Variants in INTS8 observed in about 807,000 individuals in gnomAD.
INTS8 encodes protein kaonashi-1.
In INTS8, 47 loss-of-function variants were observed where a neutral mutation model predicts 138.9. The observed-to-expected ratio is 0.34, with a 90% confidence interval of 0.27 to 0.43. INTS8 has a LOEUF of 0.43. Among genes scored for constraint, INTS8 ranks in the 20% least tolerant of loss-of-function variants. INTS8 has a pLI of 1.00. For missense variants in INTS8, 996 were observed against 1,173.0 expected (o/e 0.85, Z 2.20); for synonymous variants, 392 against 400.9 (o/e 0.98, Z 0.27).
chr8:94,869,884 A>G (rs983691380), intron 20 of INTS8, among the ~76,000 whole-genome samples: 35 of 152,282 alleles, frequency 2.3e-4, no homozygotes, highest in African/African-American at 8.4e-4. Context: ...AAATGAGGCA[A>G]AAGAATTGTT....
intron 20 of INTS8, among the ~76,000 whole-genome samples, chr8:94,869,655 G>A (rs1368715171): frequency 6.6e-6 from 1 of 152,016 alleles, no homozygotes; most frequent in Non-Finnish European, 1.5e-5. Flanking sequence ...ACCAAACACA[G>A]CTAATTTTTG....
At chr8:94,860,876 A>T (rs1469053472) in intron 16 of INTS8, among the ~76,000 whole-genome samples, 1 of 151,726 alleles carries the variant, frequency 6.6e-6, no homozygotes, top group Non-Finnish European at 1.5e-5. Context: ...TAACAAGGTG[A>T]AACCCCGTCC....
At chr8:94,849,557 CTT>C (rs370192003) in intron 11 of INTS8, 25 bp downstream of exon 11, 695 of 1,111,824 alleles carry the variant, frequency 6.3e-4, no homozygotes, top group South Asian at 7.5e-4. Context: ...TTTCTTTTTT[CTT>C]TTTTTTTTTA....
intron 10 of INTS8, among the ~76,000 whole-genome samples, chr8:94,845,104 C>T (rs572921676): frequency 6.6e-6 from 1 of 152,126 alleles, no homozygotes; most frequent in African/African-American, 2.4e-5. Flanking sequence ...TCAAATTTAC[C>T]GATTTTTTTC....
intron 13 of INTS8, among the ~76,000 whole-genome samples, chr8:94,853,504 A>T (rs1246543583): frequency 6.6e-6 from 1 of 152,218 alleles, no homozygotes; most frequent in Non-Finnish European, 1.5e-5. Context: ...CAGTAGTAGC[A>T]TAATAGTACT....
intron 11 of INTS8, among the ~76,000 whole-genome samples, 158 bp downstream of exon 11, chr8:94,849,690 C>T (rs1034140313): frequency 6.6e-6 from 1 of 151,686 alleles, no homozygotes; most frequent in Non-Finnish European, 1.5e-5. Context: ...TGTATAGCCA[C>T]GTGAGACATT....
At chr8:94,853,392 G>T (rs891126038) in intron 13 of INTS8, among the ~76,000 whole-genome samples, 1 of 152,116 alleles carries the variant, frequency 6.6e-6, no homozygotes. Context: ...GGGACTAACC[G>T]CGTGCTTAAG....
chr8:94,859,400 C>T (rs1424135546), intron 15 of INTS8, 111 bp from the exon 16 acceptor site: 1 of 1,055,296 alleles, frequency 9.5e-7, no homozygotes, highest in African/African-American at 1.6e-5. Flanking sequence ...AGGTGTGAGC[C>T]ACCATACCCG....
chr8:94,838,047 T>TC (rs1310826878), intron 7 of INTS8, among the ~76,000 whole-genome samples: 8 of 148,056 alleles, frequency 5.4e-5, no homozygotes, highest in Non-Finnish European at 1.2e-4. Context: ...TTCTTTTCTT[T>TC]TTTTTTTTTT....
At position 94,835,717 on chromosome 8, in the gene INTS8, A is replaced by G. The variant is rs544067130; in HGVS notation, c.754-807A>G. ...CGGGTTCAAGCGATTCTCCTGCCCC[A>G]GCCTCCCAAATAGCTGGGATTACAG... is the stretch of plus-strand genomic sequence containing the variant. On this transcript the variant is annotated intron_variant, in intron 6 of 26. Transcript: ENST00000523731. Among the ~76,000 whole-genome samples, 475 of 152,000 alleles carry G rather than the reference A, an allele frequency of 3.1e-3. 1 individual carries two copies. The highest frequency in any genetic ancestry group is 5.6e-3 in the Non-Finnish European group (380 of 67,974).
At chr8:94,853,966 G>C in intron 14 of INTS8, 51 bp downstream of exon 14, 1 of 1,160,484 alleles carries the variant, frequency 8.6e-7, no homozygotes, top group Non-Finnish European at 1.3e-6. Context: ...TTTATGGTCA[G>C]GTGCCGTGGC....
At chr8:94,866,448 A>G (rs1816179966) in intron 18 of INTS8, 7 of 412,070 alleles carry the variant, frequency 1.7e-5, no homozygotes, top group South Asian at 1.6e-4. Flanking sequence ...ACATGTAACC[A>G]TGCCCAGCTA....
intron 21 of INTS8, 32 bp downstream of exon 21, chr8:94,872,034 GT>G (rs1475586554): frequency 2.9e-6 from 3 of 1,029,758 alleles, no homozygotes; most frequent in Non-Finnish European, 4.5e-6. Flanking sequence ...TTTGTGTTTT[GT>G]TTTTATAGCA....
At chr8:94,875,819 A>C (rs918534482) in intron 23 of INTS8, 14 of 402,224 alleles carry the variant, frequency 3.5e-5, no homozygotes, top group Non-Finnish European at 6.3e-5. Flanking sequence ...CATCCCCTTC[A>C]GTTTTCTGAA....
chr8:94,831,561 G>C (rs1450254054), intron 5 of INTS8, among the ~76,000 whole-genome samples: 2 of 146,754 alleles, frequency 1.4e-5, no homozygotes, highest in Non-Finnish European at 3.0e-5. Context: ...GGCTCACTGC[G>C]ACCTCCACCT....
chr8:94,860,339 T>A (rs1815908572), intron 16 of INTS8: 1 of 151,354 alleles, frequency 6.6e-6, no homozygotes, highest in South Asian at 2.1e-4. Flanking sequence ...CCCAGCACTT[T>A]GGGAGGCCAA....
At position 94,842,459 on chromosome 8, in the gene INTS8, A is replaced by G. The variant is rs200147343; in HGVS notation, c.1231A>G (p.Asn411Asp). ...VQFNQLFLRPNKEKIDFLLEV... is the reference protein window; with the variant it reads ...VQFNQLFLRPDKEKIDFLLEV... ...ATTTAACCAGCTATTTCTTAGACCA[A>G]ATAAAGAGAAAATAGACTTTCTTCT... Residue 411 changes from asparagine to aspartate, a missense_variant, in exon 10 of 27, where the codon AAT (asparagine) becomes GAT (aspartate). Physicochemically the swap from Asn to Asp is conservative, Grantham distance 23. Transcript: ENST00000523731. 1.2e-4 allele frequency: 193 copies of G among 1,603,298 alleles called. No homozygotes were observed. Among genetic ancestry groups the G allele is most frequent in the Non-Finnish European group, 1.6e-4 (183 of 1,172,342 alleles).
In INTS8 at chr8:94,849,388, A is replaced by G. The variant is rs559627864; in HGVS notation, c.1261-74A>G. ...AAAAGGAAAATTCAGTTGTTTTTAA[A>G]TCCAGCCTTTTCAAATTATAATTTA... On this transcript the variant is annotated intron_variant, in intron 10 of 26. Transcript: ENST00000523731. 25 of 820,950 alleles carry G rather than the reference A, an allele frequency of 3.0e-5. No homozygotes were observed. In the African/African-American group the frequency reaches 3.9e-4, roughly 13 times the overall value. The allele number at this position is 820,950 out of a possible 1,614,324, so 50.9% of individuals were successfully genotyped here. A position where few individuals can be genotyped will look rare whatever the true frequency, so the allele number is the denominator to read the frequency against.
At chr8:94,843,625 TG>T (rs1347302990) in intron 10 of INTS8, among the ~76,000 whole-genome samples, 1 of 152,148 alleles carries the variant, frequency 6.6e-6, no homozygotes, top group African/African-American at 2.4e-5. Flanking sequence ...AGTCTTATGA[TG>T]GGGGACATTT....
Sources: allele counts gnomAD v4.1 joint callset (sites outside exome capture counted in the v4.1 genomes callset), GRCh38; gene constraint gnomAD v4.1.1; transcripts MANE v1.5; gene names NCBI Gene and HGNC (gene_info 2026-07-23, HGNC 2026-07-21).